Variants in UGT1A9 observed in about 807,000 individuals in gnomAD.
UGT1A9 encodes UDP glucuronosyltransferase family 1 member A9.
UGT1A9 carries 35 observed loss-of-function variants against 45.0 expected under a neutral mutation model. The observed-to-expected ratio is 0.78, with a 90% CI of 0.59 to 1.03. The LOEUF is 1.03. Ranked by LOEUF, UGT1A9 falls within the 50% of genes least tolerant of loss-of-function variation. The pLI is 0.00. For missense variants in UGT1A9, 687 were observed against 666.6 expected (o/e 1.03, Z -0.34); for synonymous variants, 278 against 250.6 (o/e 1.11, Z -1.03).
intron 1 of UGT1A9, chr2:233,691,021 A>G (rs2075025310): frequency 2.0e-6 from 2 of 992,830 alleles, no homozygotes; most frequent in Admixed American, 5.8e-5. Flanking sequence ...CTGTGGTTGG[A>G]AGGGCTCAGA....
intron 1 of UGT1A9, among the ~76,000 whole-genome samples, chr2:233,700,555 A>G (rs1237655916): frequency 6.6e-6 from 1 of 152,212 alleles, no homozygotes; most frequent in African/African-American, 2.4e-5. Context: ...AAGGGGTTAT[A>G]AAAATATAAC....
intron 4 of UGT1A9, among the ~76,000 whole-genome samples, chr2:233,771,772 C>T (rs536423324): frequency 2.8e-4 from 43 of 152,144 alleles, no homozygotes; most frequent in African/African-American, 1.0e-3. Flanking sequence ...CCGTCCCTCT[C>T]TCCTTTCCTC....
intron 1 of UGT1A9, among the ~76,000 whole-genome samples, chr2:233,674,086 ATTATTTTGGAGGG>A (rs756903376): frequency 2.4e-3 from 368 of 152,272 alleles, no homozygotes; most frequent in Non-Finnish European, 4.6e-3. Flanking sequence ...ATCTCAGTAT[ATTATTTTGGAGGG>A]ATGGAGTATA....
At chr2:233,744,177 C>G (rs1335639755) in intron 1 of UGT1A9, among the ~76,000 whole-genome samples, 1 of 151,854 alleles carries the variant, frequency 6.6e-6, no homozygotes, top group Admixed American at 6.5e-5. Context: ...CGGCCTCCAA[C>G]CAGCCATGGT....
intron 1 of UGT1A9, among the ~76,000 whole-genome samples, chr2:233,722,767 A>G (rs2077035171): frequency 6.6e-6 from 1 of 151,610 alleles, no homozygotes; most frequent in Non-Finnish European, 1.5e-5. Flanking sequence ...CTGTTACCTA[A>G]TTCTGATATT....
At chr2:233,743,983 G>C in intron 1 of UGT1A9, 2 of 1,288,226 alleles carry the variant, frequency 1.6e-6, no homozygotes, top group Middle Eastern at 2.3e-4. Flanking sequence ...GCACCCAGGC[G>C]CAGGCCCGAG....
At chr2:233,763,986 C>T (rs923828078) in intron 1 of UGT1A9, among the ~76,000 whole-genome samples, 3 of 152,116 alleles carry the variant, frequency 2.0e-5, no homozygotes, top group Non-Finnish European at 4.4e-5. Context: ...ACTGGGAATG[C>T]GTGATGGTGA....
At position 233,672,105 on chromosome 2, in the gene UGT1A9, A is replaced by G. The variant is rs772969942; in HGVS notation, c.171A>G (p.Val57=). ...KLILRGHEVV[V]VMPEVSWQLG... is the part of the protein sequence containing the mutation. The stretch of plus-strand genomic sequence containing the variant: ...TTCTCAGGGGGCATGAGGTGGTTGT[A>G]GTCATGCCAGAGGTGAGTTGGCAAC... Residue 57 remains valine (V), a synonymous_variant, in exon 1 of 5, where the codon GTA becomes GTG. Coordinates refer to ENST00000354728, the MANE Select transcript of UGT1A9 (RefSeq NM_021027.3). 1 of 1,614,176 alleles carries G rather than the reference A, an allele frequency of 6.2e-7. No homozygotes were observed. The highest frequency in any genetic ancestry group is 8.5e-7 in the Non-Finnish European group (1 of 1,180,016).
intron 1 of UGT1A9, among the ~76,000 whole-genome samples, chr2:233,734,247 T>A (rs1242167028): frequency 6.6e-6 from 1 of 152,226 alleles, no homozygotes; most frequent in Non-Finnish European, 1.5e-5. Flanking sequence ...CCTGCTTTAG[T>A]CTTGGGAGGG....
intron 1 of UGT1A9, among the ~76,000 whole-genome samples, chr2:233,746,960 G>T (rs1278359250): frequency 6.6e-6 from 1 of 151,782 alleles, no homozygotes; most frequent in African/African-American, 2.4e-5. Flanking sequence ...GCTTGAACTT[G>T]GATGTTCCCC....
chr2:233,691,922 G>A (rs1422261800), intron 1 of UGT1A9: 1 of 152,442 alleles, frequency 6.6e-6, no homozygotes, highest in Non-Finnish European at 1.5e-5. Context: ...AGTGGTGGGA[G>A]CGATAAACGT....
chr2:233,765,466 T>C (rs1160830121), intron 1 of UGT1A9, among the ~76,000 whole-genome samples: 1 of 152,142 alleles, frequency 6.6e-6, no homozygotes, highest in Non-Finnish European at 1.5e-5. Context: ...AGGACATGGA[T>C]GAAGCTGGAA....
chr2:233,683,217 A>G (rs910612705), intron 1 of UGT1A9, among the ~76,000 whole-genome samples: 5 of 152,166 alleles, frequency 3.3e-5, no homozygotes, highest in African/African-American at 1.2e-4. Flanking sequence ...TATTTTATCA[A>G]TATAAAATCT....
intron 1 of UGT1A9, among the ~76,000 whole-genome samples, chr2:233,704,787 A>G (rs1316884961): frequency 6.6e-6 from 1 of 152,096 alleles, no homozygotes; most frequent in Non-Finnish European, 1.5e-5. Context: ...TATAGTCCCA[A>G]CAATATAATT....
chr2:233,687,775 A>G (rs28899168), intron 1 of UGT1A9, among the ~76,000 whole-genome samples: 4,205 of 152,038 alleles, frequency 0.028, 175 homozygotes, highest in African/African-American at 0.095. Context: ...GCCTGGTGGC[A>G]TATGCCTGTG....
chr2:233,713,312 G>T (rs1406114434), intron 1 of UGT1A9: 8 of 1,614,228 alleles, frequency 5.0e-6, no homozygotes, highest in Non-Finnish European at 6.8e-6. Flanking sequence ...AACATCTTCT[G>T]ATGAAATTTT....
Position 233,672,479 on chromosome 2 carries a change from A to G in UGT1A9, c.545A>G (p.Gln182Arg), listed in dbSNP as rs201310933. ...TGCCACTATCTTGAAGAAGGTGCAC[A>G]GTGCCCTGCTCCTCTTTCCTATGTC... ...ILCHYLEEGAQCPAPLSYVPR... is the reference protein window; with the variant it reads ...ILCHYLEEGARCPAPLSYVPR... Residue 182 changes from glutamine to arginine, a missense_variant, in exon 1 of 5, where the codon CAG becomes CGG. Physicochemically the swap from Gln to Arg is conservative, Grantham distance 43. Coordinates refer to ENST00000354728, the MANE Select transcript of UGT1A9 (RefSeq NM_021027.3). 3 of 1,613,836 alleles carry G rather than the reference A, an allele frequency of 1.9e-6. No homozygotes were observed. The highest frequency in any genetic ancestry group is 1.3e-5 in the African/African-American group (1 of 74,926).
chr2:233,679,683 T>G (rs2074459176), intron 1 of UGT1A9, among the ~76,000 whole-genome samples: 3 of 152,154 alleles, frequency 2.0e-5, no homozygotes, highest in Admixed American at 2.0e-4. Flanking sequence ...TCCTTTTGCT[T>G]GGCAGAGGCT....
At position 233,726,533 on chromosome 2, in the gene UGT1A9, T is replaced by A. The variant is rs137884308; in HGVS notation, c.856-40501T>A. 1.1e-3 allele frequency among the ~76,000 whole-genome samples: 170 copies of A among 152,338 alleles called. 1 individual carries two copies. Among genetic ancestry groups the A allele is most frequent in the African/African-American group, 3.9e-3 (162 of 41,582 alleles). On this transcript the variant is annotated intron_variant, in intron 1 of 4. Coordinates refer to ENST00000354728, the MANE Select transcript of UGT1A9 (RefSeq NM_021027.3). ...TGGTACTTTTCCACTTTTAGGGAGATGCAGTGCAGCGTCTTCAAGTCTCCC... is the reference window on the plus strand; with the variant it reads ...TGGTACTTTTCCACTTTTAGGGAGAAGCAGTGCAGCGTCTTCAAGTCTCCC...
Sources: gnomAD v4.1 joint callset for allele counts (sites outside exome capture counted in the v4.1 genomes callset) on GRCh38, gnomAD v4.1.1 for gene constraint, MANE v1.5 for transcripts, NCBI Gene and HGNC (gene_info 2026-07-23, HGNC 2026-07-21) for gene names.